Variants in SUMF1 observed in about 807,000 individuals in gnomAD.
SUMF1 encodes sulfatase modifying factor 1, also known as formylglycine-generating enzyme.
A neutral mutation model predicts 47.6 loss-of-function variants in SUMF1; 48 were observed. The observed-to-expected ratio is 1.01, with a 90% CI of 0.80 to 1.28. The LOEUF is 1.28. SUMF1 is among the 50% of genes most tolerant of loss of function. The pLI, the probability that SUMF1 is intolerant of heterozygous loss-of-function variation, is 0.00. For missense variants in SUMF1, 571 were observed against 485.4 expected (o/e 1.18, Z -1.66); for synonymous variants, 230 against 192.1 (o/e 1.20, Z -1.63).
intron 8 of SUMF1, among the ~76,000 whole-genome samples, chr3:4,349,169 A>C (rs1210642528): frequency 2.0e-5 from 3 of 151,970 alleles, no homozygotes; most frequent in Non-Finnish European, 4.4e-5. Flanking sequence ...AAAACAAACA[A>C]CCTTATCAAA....
In SUMF1 at chr3:4,224,422, A is replaced by G. The variant is rs568357540; in HGVS notation, c.1014+151908T>C. Reference sequence around the variant, plus strand: ...TGGCAAGTTTTTGGCTCCCTAGCATATTTTCCCCATCTCTTATTTTTATAA... The same window carrying G: ...TGGCAAGTTTTTGGCTCCCTAGCATGTTTTCCCCATCTCTTATTTTTATAA... On this transcript the variant is annotated intron_variant and NMD_transcript_variant, in intron 8 of 12. Coordinates refer to the SUMF1 transcript ENST00000448413. Among the ~76,000 whole-genome samples, 12 of 151,986 alleles carry G rather than the reference A, an allele frequency of 7.9e-5. 1 individual carries two copies. In the South Asian group the frequency reaches 2.5e-3, roughly 32 times the overall value.
At position 4,350,184 on chromosome 3, in the gene SUMF1, A is replaced by G. The variant is rs1478281002; in HGVS notation, c.1014+26146T>C. On this transcript the variant is annotated intron_variant and NMD_transcript_variant, in intron 8 of 12. Coordinates refer to the SUMF1 transcript ENST00000448413. ...CCAGGCTAATTTTTGTATTTTTTTT[A>G]GTATTAAAAAATCACCATTTTTTAG... Among the ~76,000 whole-genome samples, 3 of 151,544 alleles carry G rather than the reference A, an allele frequency of 2.0e-5. No individual in the cohort carries two copies. In the East Asian group the frequency reaches 5.8e-4, roughly 29 times the overall value.
chr3:4,369,937 T>C (rs1340772629), intron 8 of SUMF1, among the ~76,000 whole-genome samples: 1 of 152,178 alleles, frequency 6.6e-6, no homozygotes, highest in African/African-American at 2.4e-5. Flanking sequence ...GCTTACAATA[T>C]GCCAGATGCT....
rs1701517964 is a variant in SUMF1 at position 4,410,884 on chromosome 3, A to G, written c.935T>C (p.Val312Ala). 3 of 1,613,892 alleles carry G rather than the reference A, an allele frequency of 1.9e-6. No individual in the cohort carries two copies. Among genetic ancestry groups the G allele is most frequent in the Non-Finnish European group, 8.5e-7 (1 of 1,179,874 alleles). ...TSDWWTVHHS[V>A]EETLNPKGPP... ...ACTCACTGGGTTAAGCGTTTCTTCA[A>G]CAGAATGATGAACAGTCCACCAGTC... Residue 312 changes from valine to alanine, a missense_variant, in exon 7 of 9, where the codon GTT becomes GCT. Coordinates refer to ENST00000272902, the MANE Select transcript of SUMF1 (RefSeq NM_182760.4).
intron 8 of SUMF1, among the ~76,000 whole-genome samples, chr3:4,331,223 TA>T (rs35908176): frequency 0.48 from 70,042 of 146,316 alleles, 16,714 homozygotes; most frequent in South Asian, 0.54. Flanking sequence ...TCCTTTAATT[TA>T]AAAAAAAAAA....
intron 8 of SUMF1, among the ~76,000 whole-genome samples, chr3:4,196,625 T>C (rs76307600): frequency 0.011 from 1,713 of 152,216 alleles, 17 homozygotes; most frequent in Middle Eastern, 0.027. Context: ...TTGGCTAAAG[T>C]ACTATTCTAC....
At chr3:4,124,397 A>G (rs1370175884) in intron 8 of SUMF1, among the ~76,000 whole-genome samples, 1 of 152,120 alleles carries the variant, frequency 6.6e-6, no homozygotes, top group Non-Finnish European at 1.5e-5. Context: ...TCTCCTTCCT[A>G]TAAATACAGA....
intron 8 of SUMF1, among the ~76,000 whole-genome samples, chr3:4,233,656 G>A (rs1385119938): frequency 1.3e-5 from 2 of 152,142 alleles, no homozygotes; most frequent in Non-Finnish European, 2.9e-5. Context: ...GTTTCAAAAT[G>A]TCTGAGTCAT....
chr3:4,213,999 G>A (rs1289688626), intron 8 of SUMF1, among the ~76,000 whole-genome samples: 3 of 151,988 alleles, frequency 2.0e-5, no homozygotes, highest in African/African-American at 7.2e-5. Flanking sequence ...TAGACAGATC[G>A]ATGAGACAGA....
At chr3:4,349,477 T>C (rs964643876) in intron 8 of SUMF1, among the ~76,000 whole-genome samples, 1 of 152,194 alleles carries the variant, frequency 6.6e-6, no homozygotes. Context: ...AGCAATACCA[T>C]TCCTGGATAT....
chr3:4,189,146 T>C (rs940610766), intron 8 of SUMF1, among the ~76,000 whole-genome samples: 14 of 152,152 alleles, frequency 9.2e-5, no homozygotes, highest in African/African-American at 3.1e-4. Context: ...CCACCAGTAA[T>C]ATTATCTTAA....
intron 8 of SUMF1, among the ~76,000 whole-genome samples, chr3:4,354,584 T>A (rs1206868803): frequency 6.6e-6 from 1 of 152,208 alleles, no homozygotes; most frequent in East Asian, 1.9e-4. Flanking sequence ...TATTTCCAAA[T>A]TCAAGTACTA....
chr3:4,091,093 C>CAA (rs1234385213), intron 8 of SUMF1, among the ~76,000 whole-genome samples: 1 of 140,644 alleles, frequency 7.1e-6, no homozygotes. Flanking sequence ...ACAACAACAA[C>CAA]AACAAAAAAA....
intron 8 of SUMF1, among the ~76,000 whole-genome samples, chr3:4,222,218 T>G (rs759768100): frequency 3.3e-5 from 5 of 152,054 alleles, no homozygotes; most frequent in Non-Finnish European, 7.4e-5. Context: ...TATCCAAGAT[T>G]TCTATACTGA....
chr3:4,375,591 G>A (rs1466575353), intron 8 of SUMF1, among the ~76,000 whole-genome samples: 1 of 152,134 alleles, frequency 6.6e-6, no homozygotes, highest in Admixed American at 6.5e-5. Context: ...GTGGTTTTAA[G>A]TCTCTAACCA....
At chr3:4,096,825 T>C (rs2125057820) in intron 8 of SUMF1, among the ~76,000 whole-genome samples, 1 of 152,182 alleles carries the variant, frequency 6.6e-6, no homozygotes, top group Admixed American at 6.5e-5. Flanking sequence ...AGCTACTATG[T>C]GAAGGGGACA....
At chr3:4,045,435 T>A (rs1015035435) in intron 9 of SUMF1, among the ~76,000 whole-genome samples, 3 of 151,780 alleles carry the variant, frequency 2.0e-5, no homozygotes, top group African/African-American at 7.3e-5. Flanking sequence ...TTTCTGCTTG[T>A]TTCTCTTGTT....
rs1004922953 is a variant in SUMF1 at position 4,361,306 on chromosome 3, C to A, written c.*838G>T. The A allele has an allele frequency of 2.6e-5, 4 of 152,572 alleles. No individual in the cohort carries two copies. The highest frequency in any genetic ancestry group is 4.4e-5 in the Non-Finnish European group (3 of 68,038). 9.5% of individuals were successfully genotyped at this position (152,572 alleles called of 1,614,324 possible). On this transcript the variant is annotated 3_prime_UTR_variant, in exon 9 of 9. Coordinates refer to ENST00000272902, the MANE Select transcript of SUMF1 (RefSeq NM_182760.4). Reference sequence around the variant, plus strand: ...CTTTTTCCCTATATCTAGAATTAAACAGGTTTCCCCGTTTAGCGCACATTT... The same window carrying A: ...CTTTTTCCCTATATCTAGAATTAAAAAGGTTTCCCCGTTTAGCGCACATTT...
chr3:4,349,702 G>C (rs1256481675), intron 8 of SUMF1, among the ~76,000 whole-genome samples: 1 of 152,200 alleles, frequency 6.6e-6, no homozygotes, highest in African/African-American at 2.4e-5. Flanking sequence ...GATGAAGCTG[G>C]AAGCCATTAT....
Sources: gnomAD v4.1 joint callset for allele counts (sites outside exome capture counted in the v4.1 genomes callset) on GRCh38, gnomAD v4.1.1 for gene constraint, MANE v1.5 for transcripts, NCBI Gene and HGNC (gene_info 2026-07-23, HGNC 2026-07-21) for gene names.